ESR1: variants seen among roughly 807,000 people sequenced by gnomAD.
The protein encoded by ESR1 is estrogen receptor.
ESR1 carries 12 observed loss-of-function variants against 52.7 expected under a neutral mutation model. The ratio of observed to expected loss-of-function variants is 0.23; its 90% CI spans 0.15 to 0.37. The LOEUF is 0.37. Ranked by LOEUF, ESR1 falls within the 10% of genes least tolerant of loss-of-function variation. The probability of loss-of-function intolerance (pLI) is 1.00; values close to 1 mark genes in which losing one functional copy is unlikely to be tolerated. For missense variants in ESR1, 584 were observed against 779.7 expected (o/e 0.75, Z 2.99); for synonymous variants, 305 against 316.8 (o/e 0.96, Z 0.39).
chr6:152,084,421 TA>T (rs112260689), intron 6 of ESR1, among the ~76,000 whole-genome samples: 20 of 144,222 alleles, frequency 1.4e-4, no homozygotes, highest in East Asian at 6.0e-4. Context: ...TAAAGTATAA[TA>T]AAAAAAAAAG....
At chr6:151,829,924 C>G (rs1185051390) in intron 1 of ESR1, among the ~76,000 whole-genome samples, 1 of 152,178 alleles carries the variant, frequency 6.6e-6, no homozygotes, top group Non-Finnish European at 1.5e-5. Context: ...GTCACATTGA[C>G]AGCAATGTGA....
chr6:151,686,544 C>T (rs144463629), upstream of ESR1, among the ~76,000 whole-genome samples: 1,622 of 152,250 alleles, frequency 0.011, 10 homozygotes, highest in Non-Finnish European at 0.015. Context: ...AGAAATTAGC[C>T]GGGCGTGGCG....
At chr6:151,682,978 A>G (rs1357978221) in intron 1 of ESR1, among the ~76,000 whole-genome samples, 2 of 152,238 alleles carry the variant, frequency 1.3e-5, no homozygotes, top group Non-Finnish European at 2.9e-5. Flanking sequence ...CATTTTCTAA[A>G]TGATGACAGA....
At chr6:151,767,202 C>T (rs958125923) in intron 2 of ESR1, among the ~76,000 whole-genome samples, 32 of 152,340 alleles carry the variant, frequency 2.1e-4, no homozygotes, top group African/African-American at 7.2e-4. Flanking sequence ...ATGGCCTCAA[C>T]CATCTTCCCT....
At chr6:152,022,693 C>T (rs372303827) in intron 5 of ESR1, among the ~76,000 whole-genome samples, 7 of 151,918 alleles carry the variant, frequency 4.6e-5, no homozygotes, top group South Asian at 2.1e-4. Context: ...AAGGATGGGC[C>T]GGGTGCAGTG....
chr6:151,688,256 T>C (rs1274110026), upstream of ESR1, among the ~76,000 whole-genome samples: 2 of 152,250 alleles, frequency 1.3e-5, no homozygotes, highest in Non-Finnish European at 2.9e-5. Flanking sequence ...CTGATAAACC[T>C]GTCAACAGTT....
At chr6:151,831,115 A>G (rs915757205) in intron 1 of ESR1, among the ~76,000 whole-genome samples, 1 of 151,758 alleles carries the variant, frequency 6.6e-6, no homozygotes. Flanking sequence ...TGTCCTTACA[A>G]TAAATAATTG....
At chr6:151,827,102 T>C (rs892375773) in intron 1 of ESR1, among the ~76,000 whole-genome samples, 4 of 151,576 alleles carry the variant, frequency 2.6e-5, no homozygotes, top group African/African-American at 9.7e-5. Flanking sequence ...GGCAGATGGG[T>C]CACCTGAGCC....
intron 5 of ESR1, among the ~76,000 whole-genome samples, chr6:152,020,606 A>G (rs1375225559): frequency 6.6e-6 from 1 of 151,982 alleles, no homozygotes; most frequent in Non-Finnish European, 1.5e-5. Context: ...ATGCGCCATC[A>G]TGCCTGGCTA....
chr6:151,670,028 C>T (rs73619409), intron 1 of ESR1, among the ~76,000 whole-genome samples: 4,741 of 152,210 alleles, frequency 0.031, 229 homozygotes, highest in African/African-American at 0.1. Flanking sequence ...CTTTGCACTT[C>T]GAATAACATC....
chr6:151,774,169 A>G (rs1020055253), intron 2 of ESR1, among the ~76,000 whole-genome samples: 2 of 152,174 alleles, frequency 1.3e-5, no homozygotes, highest in Non-Finnish European at 2.9e-5. Flanking sequence ...GACTATAATA[A>G]CCATTTCACT....
At chr6:152,128,544 A>G (rs2054299619) in exon 7 of ESR1, 1 of 152,244 alleles carries the variant, frequency 6.6e-6, no homozygotes, top group Non-Finnish European at 1.5e-5. Flanking sequence ...ACAGGCTAGT[A>G]TAATATTAAC....
chr6:151,874,301 G>GA (rs1467811258), intron 2 of ESR1, among the ~76,000 whole-genome samples: 1 of 151,984 alleles, frequency 6.6e-6, no homozygotes, highest in African/African-American at 2.4e-5. Context: ...TCTCTTTAGG[G>GA]AATGCATTTA....
intron 2 of ESR1, among the ~76,000 whole-genome samples, chr6:151,748,105 A>ATT (rs957958732): frequency 6.6e-6 from 1 of 151,392 alleles, no homozygotes; most frequent in African/African-American, 2.4e-5. Context: ...GAGGGCTCCA[A>ATT]TTTCCCTACA....
intron 4 of ESR1, among the ~76,000 whole-genome samples, chr6:152,010,959 C>A (rs1010070849): frequency 6.6e-6 from 1 of 151,586 alleles, no homozygotes; most frequent in African/African-American, 2.4e-5. Context: ...TTTCTTCCTA[C>A]CTCCTTCTCA....
In ESR1 at chr6:151,709,481, C is replaced by A. The variant is rs546369319; in HGVS notation, c.-71+7476C>A. ...ATGGCTTTGACATACTGAATACATT[C>A]GCTTTGGGCATATACCCAGTAGTGG... On this transcript the variant is annotated intron_variant, in intron 2 of 2. Coordinates refer to the ESR1 transcript ENST00000404742. 3.3e-5 allele frequency among the ~76,000 whole-genome samples: 5 copies of A among 152,224 alleles called. No homozygotes were observed. The East Asian group carries it at 9.6e-4, about 29-fold the overall frequency.
At chr6:151,804,155 A>G (rs1460962258), upstream of ESR1, among the ~76,000 whole-genome samples, 2 of 152,126 alleles carry the variant, frequency 1.3e-5, no homozygotes, top group African/African-American at 4.8e-5. Flanking sequence ...ATACTTTCCC[A>G]CCCATGCTCA....
rs145825522 is a variant in ESR1, at chr6:151,843,531, A to G, written c.643+744A>G. ...AGGATACCCTGGGGAAACACTAATC[A>G]TTTTTACTACCTAAAATACCTATGC... On this transcript the variant is annotated intron_variant, in intron 2 of 7. Coordinates refer to ENST00000206249, the MANE Select transcript of ESR1 (RefSeq NM_000125.4). Among the ~76,000 whole-genome samples, 5 of 152,260 alleles carry G rather than the reference A, an allele frequency of 3.3e-5. No homozygotes were observed. In the East Asian group the frequency reaches 9.6e-4, roughly 29 times the overall value.
At position 152,099,325 on chromosome 6, in the gene ESR1, T is replaced by C. The variant is rs898178555; in HGVS notation, c.*359T>C. 4 of 395,098 alleles carry C rather than the reference T, an allele frequency of 1.0e-5. No homozygotes were observed. In the Admixed American group the frequency reaches 1.2e-4, roughly 11 times the overall value. 24.5% of individuals were successfully genotyped at this position (395,098 alleles called of 1,614,324 possible). On this transcript the variant is annotated 3_prime_UTR_variant, in exon 8 of 8. Coordinates refer to ENST00000206249, the MANE Select transcript of ESR1 (RefSeq NM_000125.4). ...CTTGTAGAGACCCAGGCCTGGAGAGTAGACATTTTGCCTCTGATAAGCACT... is the reference window on the plus strand; with the variant it reads ...CTTGTAGAGACCCAGGCCTGGAGAGCAGACATTTTGCCTCTGATAAGCACT...
Sources: allele counts gnomAD v4.1 joint callset (sites outside exome capture counted in the v4.1 genomes callset), GRCh38; gene constraint gnomAD v4.1.1; transcripts MANE v1.5; gene names NCBI Gene and HGNC (gene_info 2026-07-23, HGNC 2026-07-21).